The following TYW1 variants were observed in gnomAD, a reference collection of about 807,000 sequenced individuals.
TYW1 encodes the protein tRNA-yW synthesizing protein 1 homolog, also known as S-adenosyl-L-methionine-dependent tRNA 4-demethylwyosine synthase TYW1.
In TYW1, 46 loss-of-function variants were observed where a neutral mutation model predicts 96.2. The observed-to-expected ratio is 0.48, with a 90% confidence interval of 0.38 to 0.61. The LOEUF is 0.61. Ranked by LOEUF, TYW1 falls within the 20% of genes least tolerant of loss-of-function variation. The probability of loss-of-function intolerance (pLI) is 0.00; values close to 1 mark genes in which losing one functional copy is unlikely to be tolerated. For synonymous variants in TYW1, 274 were observed against 323.0 expected, an observed-to-expected ratio of 0.85 and a Z score of 1.63; for missense variants, 684 against 909.6, an observed-to-expected ratio of 0.75 and a Z score of 3.19.
At chr7:67,149,722 A>ATCTATCTATCTATCTATCTATCTATC in intron 13 of TYW1, among the ~76,000 whole-genome samples, 1 of 140,236 alleles carries the variant, frequency 7.1e-6, no homozygotes, top group African/African-American at 2.7e-5. Flanking sequence ...AGGAAAAAAA[A>ATCTATCTATCTATCTATCTATCTATC]TATCTATCTA....
intron 13 of TYW1, among the ~76,000 whole-genome samples, chr7:67,168,416 C>T (rs1429807607): frequency 1.3e-5 from 2 of 152,060 alleles, no homozygotes; most frequent in Non-Finnish European, 2.9e-5. Context: ...ATTATGGTGA[C>T]CTCATAAAAT....
At chr7:67,108,076 C>G (rs1241899453) in intron 12 of TYW1, among the ~76,000 whole-genome samples, 3 of 150,508 alleles carry the variant, frequency 2.0e-5, no homozygotes, top group Non-Finnish European at 4.4e-5. Flanking sequence ...AGGGTTTCAC[C>G]ATGTTGGCCA....
intron 15 of TYW1, among the ~76,000 whole-genome samples, chr7:67,207,736 T>G (rs1301487723): frequency 6.9e-6 from 1 of 145,768 alleles, no homozygotes; most frequent in Non-Finnish European, 1.5e-5. Context: ...TTTTTTTTTT[T>G]TGGAGATGGA....
intron 15 of TYW1, among the ~76,000 whole-genome samples, chr7:67,202,005 T>C (rs554478804): frequency 6.6e-6 from 1 of 152,354 alleles, no homozygotes; most frequent in Admixed American, 6.5e-5. Flanking sequence ...CAAGATACCC[T>C]GCAGTGTCCC....
At chr7:67,056,613 A>C (rs1471905539) in intron 9 of TYW1, among the ~76,000 whole-genome samples, 2 of 152,198 alleles carry the variant, frequency 1.3e-5, no homozygotes, top group Middle Eastern at 3.4e-3. Context: ...TGTAACATGC[A>C]TCAGTAGTTC....
At chr7:67,228,172 C>T (rs924227106) in intron 15 of TYW1, among the ~76,000 whole-genome samples, 23 of 152,246 alleles carry the variant, frequency 1.5e-4, no homozygotes, top group East Asian at 1.2e-3. Context: ...TCTTTTCTCA[C>T]GCTGCTGATA....
intron 12 of TYW1, among the ~76,000 whole-genome samples, chr7:67,109,846 C>T (rs1797348593): frequency 6.6e-6 from 1 of 152,144 alleles, no homozygotes; most frequent in Non-Finnish European, 1.5e-5. Flanking sequence ...CACCATTGCA[C>T]CCCTGCCTGG....
intron 12 of TYW1, among the ~76,000 whole-genome samples, chr7:67,107,888 T>A (rs1797289578): frequency 6.6e-6 from 1 of 150,472 alleles, no homozygotes; most frequent in African/African-American, 2.4e-5. Context: ...TTTTTTTTTT[T>A]TTTTTTAAGA....
At chr7:67,055,804 C>G in intron 8 of TYW1, 31 bp from the exon 9 acceptor site, 1 of 1,594,688 alleles carries the variant, frequency 6.3e-7, no homozygotes, top group Non-Finnish European at 8.5e-7. Flanking sequence ...TTGGATCAGT[C>G]CAACTTTGTG....
intron 7 of TYW1, among the ~76,000 whole-genome samples, chr7:67,035,124 CTT>C (rs544228034): frequency 6.9e-6 from 1 of 143,956 alleles, no homozygotes; most frequent in Non-Finnish European, 1.5e-5. Flanking sequence ...ACATTTCTTT[CTT>C]TTTTTTTTTT....
chr7:67,098,499 C>T, intron 11 of TYW1, 42 bp from the exon 12 acceptor site: 2 of 1,507,874 alleles, frequency 1.3e-6, no homozygotes, highest in Non-Finnish European at 1.8e-6. Context: ...CATCCTCTAT[C>T]TGTGCCTTAT....
At chr7:67,148,629 C>CT (rs1798687616) in intron 13 of TYW1, among the ~76,000 whole-genome samples, 1 of 151,902 alleles carries the variant, frequency 6.6e-6, no homozygotes, top group Admixed American at 6.6e-5. Flanking sequence ...GACGGGGTTT[C>CT]ACTGTGTTAG....
chr7:67,218,194 T>C (rs1801263204), intron 15 of TYW1, among the ~76,000 whole-genome samples: 1 of 152,108 alleles, frequency 6.6e-6, no homozygotes, highest in Admixed American at 6.6e-5. Context: ...TTTCAATCCA[T>C]GAACATGGGA....
intron 12 of TYW1, among the ~76,000 whole-genome samples, chr7:67,115,604 C>A (rs1446729036): frequency 6.6e-6 from 1 of 152,048 alleles, no homozygotes. Flanking sequence ...TCTGTTTGGC[C>A]TATATTCCCT....
chr7:67,080,811 T>G (rs1434306555), intron 10 of TYW1, among the ~76,000 whole-genome samples: 2 of 152,168 alleles, frequency 1.3e-5, no homozygotes, highest in Non-Finnish European at 2.9e-5. Flanking sequence ...GTTGGGTGTT[T>G]TTTTTTAAAA....
intron 15 of TYW1, among the ~76,000 whole-genome samples, chr7:67,216,052 A>G (rs971851195): frequency 2.6e-5 from 4 of 151,812 alleles, no homozygotes; most frequent in Admixed American, 6.6e-5. Flanking sequence ...TCATGTTCGA[A>G]TCTGTCCTCA....
intron 13 of TYW1, among the ~76,000 whole-genome samples, chr7:67,165,196 C>G (rs1799282925): frequency 6.6e-6 from 1 of 152,186 alleles, no homozygotes; most frequent in South Asian, 2.1e-4. Context: ...ATTTGCATAT[C>G]TTTGATTACT....
At chr7:67,175,853 G>A (rs1799655889) in intron 13 of TYW1, among the ~76,000 whole-genome samples, 1 of 152,110 alleles carries the variant, frequency 6.6e-6, no homozygotes, top group Non-Finnish European at 1.5e-5. Context: ...TGCAGAATAA[G>A]ACAAGCATAC....
chr7:67,117,244 G>A (rs572739766), intron 12 of TYW1, among the ~76,000 whole-genome samples: 2 of 152,212 alleles, frequency 1.3e-5, no homozygotes, highest in South Asian at 4.2e-4. Flanking sequence ...CCAATTTTAA[G>A]TAATTCAATA....
Sources: allele counts gnomAD v4.1 joint callset (sites outside exome capture counted in the v4.1 genomes callset), GRCh38; gene constraint gnomAD v4.1.1; transcripts MANE v1.5; gene names NCBI Gene and HGNC (gene_info 2026-07-23, HGNC 2026-07-21).